CARF: variants seen among roughly 807,000 people sequenced by gnomAD.
CARF encodes the protein calcium-responsive transcription factor.
CARF carries 57 observed loss-of-function variants against 82.0 expected under a neutral mutation model. The observed-to-expected ratio is 0.70, with a 90% CI of 0.56 to 0.87. CARF has a LOEUF of 0.87. Among genes scored for constraint, CARF ranks in the 40% least tolerant of loss-of-function variants. The pLI is 0.00. For synonymous variants in CARF, 268 were observed against 290.1 expected (o/e 0.92, Z 0.77); for missense variants, 771 against 855.8 (o/e 0.90, Z 1.24).
Position 202,956,539 on chromosome 2 carries a change from C to T in CARF, c.642+781C>T, listed in dbSNP as rs139474828. ...GTGCTGGGATTACAGGTGTGAACCA[C>T]TGCGCCAGGCCAGATTTTGAATTCT... On this transcript the variant is annotated intron_variant, in intron 8 of 16. Transcript: ENST00000438828. Among the ~76,000 whole-genome samples the T allele has an allele frequency of 4.0e-4, 61 of 152,232 alleles. No individual in the cohort carries two copies. The East Asian group carries it at 0.011, about 28-fold the overall frequency.
chr2:202,939,919 G>A (rs1377344477), intron 3 of CARF, among the ~76,000 whole-genome samples: 1 of 151,926 alleles, frequency 6.6e-6, no homozygotes, highest in Non-Finnish European at 1.5e-5. Context: ...CAGATTCCTG[G>A]TGTCAAGCAA....
intron 3 of CARF, among the ~76,000 whole-genome samples, chr2:202,936,793 A>G (rs535487618): frequency 1.3e-5 from 2 of 152,248 alleles, no homozygotes; most frequent in South Asian, 2.1e-4. Context: ...TTGTACAAAA[A>G]TTTTTATTTT....
intron 3 of CARF, among the ~76,000 whole-genome samples, chr2:202,926,203 G>T (rs1691785581): frequency 6.6e-6 from 1 of 152,140 alleles, no homozygotes; most frequent in African/African-American, 2.4e-5. Flanking sequence ...ACCACCTGAG[G>T]CCCAATTGTG....
At chr2:202,915,505 C>T (rs1689466143) in intron 1 of CARF, among the ~76,000 whole-genome samples, 2 of 152,112 alleles carry the variant, frequency 1.3e-5, no homozygotes, top group South Asian at 4.1e-4. Context: ...GAGTCTGGCT[C>T]TGTCACCAGG....
chr2:202,931,368 T>C (rs1321965115), intron 3 of CARF, among the ~76,000 whole-genome samples: 1 of 152,244 alleles, frequency 6.6e-6, no homozygotes, highest in African/African-American at 2.4e-5. Flanking sequence ...TGACTGTTTA[T>C]GTTATTGGTA....
chr2:202,983,691 T>C lies in CARF; in HGVS notation c.*67T>C. The C allele has an allele frequency of 1.0e-6, 1 of 962,828 alleles. No individual in the cohort carries two copies. Among genetic ancestry groups the C allele is most frequent in the South Asian group, 1.4e-5 (1 of 71,112 alleles). 59.6% of individuals were successfully genotyped at this position (962,828 alleles called of 1,614,324 possible). A position where few individuals can be genotyped will look rare whatever the true frequency, so the allele number is the denominator to read the frequency against. On this transcript the variant is annotated 3_prime_UTR_variant, in exon 17 of 17. Coordinates refer to ENST00000438828, the MANE Select transcript of CARF (RefSeq NM_024744.17). ...GATGTCTTAGAAAGGAAGGTGAATA[T>C]AGTCAAAGCGTGGCATTGAGATAAT...
intron 12 of CARF, among the ~76,000 whole-genome samples, chr2:202,972,602 G>A (rs1410129249): frequency 6.7e-6 from 1 of 149,310 alleles, no homozygotes; most frequent in African/African-American, 2.5e-5. Flanking sequence ...GCTTGAACCC[G>A]AGAGGTGGAG....
rs980856846 is a variant in CARF, at chr2:202,975,922, A to G, written c.1495-1347A>G. Among the ~76,000 whole-genome samples the G allele has an allele frequency of 3.3e-5, 5 of 150,370 alleles. No homozygotes were observed. The East Asian group carries it at 8.2e-4, about 25-fold the overall frequency. ...TAGCCGGGCGCGGTGGCAGGTGCCT[A>G]TAGTCCCAGCTACTTGGCAGGCTGA... On this transcript the variant is annotated intron_variant, in intron 13 of 16. Transcript: ENST00000438828.
intron 9 of CARF, 127 bp from the exon 10 acceptor site, chr2:202,966,851 A>G (rs758678968): frequency 2.5e-6 from 2 of 787,080 alleles, no homozygotes; most frequent in Non-Finnish European, 4.0e-6. Flanking sequence ...AGACTTACTA[A>G]TGTTTTCTTT....
chr2:202,957,676 C>T (rs561483875), intron 8 of CARF, among the ~76,000 whole-genome samples: 2 of 151,884 alleles, frequency 1.3e-5, no homozygotes, highest in South Asian at 2.1e-4. Context: ...TAGCTTAGGC[C>T]GGGTGCGGTG....
Position 202,953,539 on chromosome 2 carries a change from A to G in CARF, c.428-466A>G, listed in dbSNP as rs559711195. Among the ~76,000 whole-genome samples, 8 of 35,676 alleles carry G rather than the reference A, an allele frequency of 2.2e-4. No homozygotes were observed. In the East Asian group the frequency reaches 4.6e-3, roughly 20 times the overall value. The allele number at this position is 35,676 out of a possible 152,430, so 23.4% of individuals were successfully genotyped here. A position where few individuals can be genotyped will look rare whatever the true frequency, so the allele number is the denominator to read the frequency against. ...TTTTGCTTTCCTCCCTTTTCCCTCT[A>G]TTTGAATCTCTTTTCCAACCTCATA... On this transcript the variant is annotated intron_variant, in intron 6 of 16. Coordinates refer to ENST00000438828, the MANE Select transcript of CARF (RefSeq NM_024744.17).
intron 9 of CARF, among the ~76,000 whole-genome samples, chr2:202,964,571 G>A (rs1313279056): frequency 6.6e-6 from 1 of 151,944 alleles, no homozygotes; most frequent in Non-Finnish European, 1.5e-5. Flanking sequence ...ATGAGCCACT[G>A]TGCCCACACC....
chr2:202,944,027 A>G (rs1345997747), intron 5 of CARF, among the ~76,000 whole-genome samples: 3 of 152,238 alleles, frequency 2.0e-5, no homozygotes, highest in Admixed American at 2.0e-4. Flanking sequence ...AATAGAAAGT[A>G]ATGGAGGTAC....
intron 3 of CARF, among the ~76,000 whole-genome samples, chr2:202,937,341 GATT>G (rs1193985625): frequency 2.6e-5 from 4 of 151,762 alleles, no homozygotes; most frequent in African/African-American, 9.7e-5. Context: ...ACAATATTGA[GATT>G]ATTATTTTAT....
intron 3 of CARF, among the ~76,000 whole-genome samples, chr2:202,937,389 A>G (rs2105784866): frequency 6.6e-6 from 1 of 151,908 alleles, no homozygotes; most frequent in Admixed American, 6.6e-5. Flanking sequence ...TAGAGTTGTA[A>G]TTTGTTTGCT....
chr2:202,978,488 G>C (rs2060122056), intron 14 of CARF, among the ~76,000 whole-genome samples: 1 of 152,184 alleles, frequency 6.6e-6, no homozygotes, highest in Non-Finnish European at 1.5e-5. Flanking sequence ...AGAAACTTCT[G>C]TTGGCTTTCC....
At chr2:202,960,478 G>A (rs2059261792) in intron 8 of CARF, among the ~76,000 whole-genome samples, 1 of 151,960 alleles carries the variant, frequency 6.6e-6, no homozygotes, top group South Asian at 2.1e-4. Flanking sequence ...TCGAACTCTT[G>A]ACCTCAGGTG....
chr2:202,950,121 TTAAA>T (rs1485347600), intron 5 of CARF, among the ~76,000 whole-genome samples: 1 of 152,194 alleles, frequency 6.6e-6, no homozygotes, highest in Non-Finnish European at 1.5e-5. Context: ...TGGGTTTTCT[TTAAA>T]TAGGAAAAGT....
intron 12 of CARF, among the ~76,000 whole-genome samples, chr2:202,972,907 C>T (rs1249446585): frequency 6.6e-6 from 1 of 152,050 alleles, no homozygotes; most frequent in Non-Finnish European, 1.5e-5. Context: ...TGAGTTATAT[C>T]GTTCTGTTCA....
Sources: allele counts gnomAD v4.1 joint callset (sites outside exome capture counted in the v4.1 genomes callset), GRCh38; gene constraint gnomAD v4.1.1; transcripts MANE v1.5; gene names NCBI Gene and HGNC (gene_info 2026-07-23, HGNC 2026-07-21).